The following KCNIP4 variants were observed in gnomAD, a reference collection of about 807,000 sequenced individuals.
KCNIP4 encodes Kv channel-interacting protein 4.
A neutral mutation model predicts 34.0 loss-of-function variants in KCNIP4; 12 were observed. That is an observed-to-expected ratio of 0.35 (90% CI 0.23 to 0.57). The LOEUF (loss-of-function observed/expected upper bound fraction) is 0.57. Among genes scored for constraint, KCNIP4 ranks in the 20% least tolerant of loss-of-function variants. The pLI is 0.83. For synonymous variants in KCNIP4, 124 were observed against 102.2 expected (o/e 1.21, Z -1.29); for missense variants, 238 against 311.7 (o/e 0.76, Z 1.78).
chr4:21,864,195 T>C (rs1291705308), intron 1 of KCNIP4, among the ~76,000 whole-genome samples: 1 of 152,248 alleles, frequency 6.6e-6, no homozygotes, highest in Non-Finnish European at 1.5e-5. Flanking sequence ...ACTGCTTAAA[T>C]TCCATTTTTG....
At chr4:21,635,098 G>A (rs1459786206) in intron 1 of KCNIP4, among the ~76,000 whole-genome samples, 1 of 152,068 alleles carries the variant, frequency 6.6e-6, no homozygotes, top group Non-Finnish European at 1.5e-5. Flanking sequence ...CAAATATAAA[G>A]TTATTTTAAA....
intron 3 of KCNIP4, among the ~76,000 whole-genome samples, chr4:20,849,272 C>T (rs934342557): frequency 6.6e-6 from 1 of 151,940 alleles, no homozygotes. Context: ...GGAGAAGAAA[C>T]AAATTTACTC....
At chr4:20,800,043 G>A (rs1047334464) in intron 3 of KCNIP4, among the ~76,000 whole-genome samples, 2 of 152,304 alleles carry the variant, frequency 1.3e-5, no homozygotes. Context: ...TTCACAGGAC[G>A]CCCCACTGTG....
intron 2 of KCNIP4, among the ~76,000 whole-genome samples, chr4:20,855,765 A>G (rs1395596198): frequency 2.0e-5 from 3 of 152,208 alleles, no homozygotes; most frequent in African/African-American, 2.4e-5. Flanking sequence ...TACTTTTTAT[A>G]TTATAATAAC....
chr4:21,385,263 A>G (rs1721916158), intron 1 of KCNIP4, among the ~76,000 whole-genome samples: 1 of 152,208 alleles, frequency 6.6e-6, no homozygotes, highest in African/African-American at 2.4e-5. Context: ...TTACCAGACT[A>G]TGAGAGCAAA....
intron 1 of KCNIP4, among the ~76,000 whole-genome samples, chr4:20,971,326 T>C (rs77115865): frequency 0.012 from 1,752 of 152,292 alleles, 30 homozygotes; most frequent in African/African-American, 0.04. Context: ...TTAAAAAGCA[T>C]GTTGATTTAA....
Position 21,932,884 on chromosome 4 carries a change from A to T in KCNIP4, c.61+15687T>A, listed in dbSNP as rs569409393. On this transcript the variant is annotated intron_variant, in intron 1 of 8. Transcript: ENST00000382152. ...TGTATACATGTATAATCTATGAAAA[A>T]ATCTATCAAAATGAAGAACATGCCC... Among the ~76,000 whole-genome samples the T allele has an allele frequency of 1.7e-3, 260 of 151,812 alleles. 1 individual carries two copies. Among genetic ancestry groups the T allele is most frequent in the East Asian group, 5.2e-3 (27 of 5,148 alleles).
chr4:20,760,750 C>T (rs1361395427), intron 3 of KCNIP4, among the ~76,000 whole-genome samples: 2 of 152,002 alleles, frequency 1.3e-5, no homozygotes, highest in African/African-American at 4.8e-5. Context: ...CAGGTCATGA[C>T]AAGGTTTCGT....
intron 1 of KCNIP4, among the ~76,000 whole-genome samples, chr4:21,091,449 C>T (rs35619745): frequency 0.17 from 25,614 of 152,082 alleles, 2,242 homozygotes; most frequent in East Asian, 0.24. Flanking sequence ...TCATACCTAA[C>T]GAATGAAAAG....
intron 1 of KCNIP4, among the ~76,000 whole-genome samples, chr4:21,930,697 C>A (rs1414213120): frequency 6.6e-6 from 1 of 152,124 alleles, no homozygotes; most frequent in Non-Finnish European, 1.5e-5. Flanking sequence ...AATCTCAACA[C>A]AGTTTTTTAA....
intron 1 of KCNIP4, among the ~76,000 whole-genome samples, chr4:21,679,146 C>T (rs933551111): frequency 6.6e-6 from 1 of 152,178 alleles, no homozygotes; most frequent in African/African-American, 2.4e-5. Context: ...AAACAAATTT[C>T]TGTTGTTTAG....
At chr4:20,787,230 G>C (rs938788395) in intron 3 of KCNIP4, among the ~76,000 whole-genome samples, 2 of 152,116 alleles carry the variant, frequency 1.3e-5, no homozygotes, top group Admixed American at 6.5e-5. Context: ...ATGTTTCATA[G>C]TAATAAGGGC....
rs34140438 is a variant in KCNIP4 at position 20,936,083 on chromosome 4, G to GT, written c.62-53375dup. 1.1e-3 allele frequency among the ~76,000 whole-genome samples: 157 copies of GT among 149,366 alleles called. 2 individuals are homozygous for GT. The highest frequency in any genetic ancestry group is 3.8e-3 in the South Asian group (18 of 4,726). On this transcript the variant is annotated intron_variant, in intron 1 of 8. Transcript: ENST00000382152. Reference sequence around the variant, plus strand: ...GATTCTTAATCATATGAAAGATACAGTTTTTTTTTTAACTTACAAATTGGA... The same window carrying GT: ...GATTCTTAATCATATGAAAGATACAGTTTTTTTTTTTAACTTACAAATTGGA...
At chr4:21,319,163 T>C (rs1297763151) in intron 1 of KCNIP4, among the ~76,000 whole-genome samples, 6 of 152,154 alleles carry the variant, frequency 3.9e-5, no homozygotes. Flanking sequence ...ATGGAAAAGA[T>C]AAATCTAAAG....
chr4:21,857,018 A>G (rs908594014), intron 1 of KCNIP4, among the ~76,000 whole-genome samples: 6 of 152,098 alleles, frequency 3.9e-5, no homozygotes, highest in African/African-American at 1.2e-4. Flanking sequence ...CATCATGAAC[A>G]GTGGCAGGAG....
At chr4:21,086,383 G>A (rs752376077) in intron 1 of KCNIP4, among the ~76,000 whole-genome samples, 3 of 151,988 alleles carry the variant, frequency 2.0e-5, no homozygotes, top group African/African-American at 4.8e-5. Context: ...TGACAGCCAC[G>A]GTGCCATTTC....
At chr4:21,125,268 A>G (rs1302981390) in intron 1 of KCNIP4, among the ~76,000 whole-genome samples, 1 of 138,308 alleles carries the variant, frequency 7.2e-6, no homozygotes, top group East Asian at 2.1e-4. Context: ...CCTAGGCTGG[A>G]GTGCAATGGT....
intron 1 of KCNIP4, among the ~76,000 whole-genome samples, chr4:21,787,090 T>A (rs1366479664): frequency 6.6e-6 from 1 of 152,136 alleles, no homozygotes; most frequent in African/African-American, 2.4e-5. Flanking sequence ...ACACCCGACA[T>A]AACACCATGA....
chr4:21,282,089 T>A (rs1405038977), intron 1 of KCNIP4, among the ~76,000 whole-genome samples: 1 of 152,174 alleles, frequency 6.6e-6, no homozygotes, highest in Non-Finnish European at 1.5e-5. Flanking sequence ...TTTTGAAAAA[T>A]ATCAGGTAAG....
Sources: gnomAD v4.1 joint callset for allele counts (sites outside exome capture counted in the v4.1 genomes callset) on GRCh38, gnomAD v4.1.1 for gene constraint, MANE v1.5 for transcripts, NCBI Gene and HGNC (gene_info 2026-07-23, HGNC 2026-07-21) for gene names.